CNTNAP2: variants seen among roughly 807,000 people sequenced by gnomAD.
CNTNAP2 encodes the protein contactin associated protein 2, also known as contactin-associated protein-like 2.
In CNTNAP2, 98 loss-of-function variants were observed where a neutral mutation model predicts 155.2. That is an observed-to-expected ratio of 0.63 (90% CI 0.54 to 0.75). The LOEUF (loss-of-function observed/expected upper bound fraction) is 0.75. Among genes scored for constraint, CNTNAP2 ranks in the 30% least tolerant of loss-of-function variants. The pLI is 0.00. For synonymous variants in CNTNAP2, 651 were observed against 631.2 expected (o/e 1.03, Z -0.47); for missense variants, 1,727 against 1,688.1 (o/e 1.02, Z -0.40).
intron 9 of CNTNAP2, among the ~76,000 whole-genome samples, chr7:147,318,738 G>A (rs548906309): frequency 7.2e-5 from 11 of 152,150 alleles, no homozygotes; most frequent in South Asian, 6.2e-4. Flanking sequence ...CCTAGATGGC[G>A]GGTTGATTGG....
intron 1 of CNTNAP2, among the ~76,000 whole-genome samples, chr7:146,675,606 T>G (rs141547177): frequency 6.6e-6 from 1 of 152,182 alleles, no homozygotes; most frequent in East Asian, 1.9e-4. Flanking sequence ...GTAGTACCTA[T>G]TTTGGTTGTC....
intron 9 of CNTNAP2, among the ~76,000 whole-genome samples, chr7:147,372,336 G>A (rs529570806): frequency 3.9e-5 from 6 of 152,164 alleles, no homozygotes; most frequent in South Asian, 2.1e-4. Context: ...GAATGTTCTC[G>A]AGAGACCACT....
At chr7:147,219,405 T>C (rs990619539) in intron 8 of CNTNAP2, among the ~76,000 whole-genome samples, 4 of 152,216 alleles carry the variant, frequency 2.6e-5, no homozygotes, top group Non-Finnish European at 5.9e-5. Flanking sequence ...CCCTGGTAAA[T>C]CACTGGTCTA....
chr7:148,084,985 A>T (rs1023252103), intron 15 of CNTNAP2, among the ~76,000 whole-genome samples: 1 of 152,252 alleles, frequency 6.6e-6, no homozygotes, highest in African/African-American at 2.4e-5. Flanking sequence ...ACAGTCATTT[A>T]GTCGGTCAAT....
At chr7:146,776,122 C>T (rs2129186241) in intron 2 of CNTNAP2, among the ~76,000 whole-genome samples, 1 of 151,898 alleles carries the variant, frequency 6.6e-6, no homozygotes, top group South Asian at 2.1e-4. Flanking sequence ...CTGGCCATAC[C>T]CAAATGGTAA....
Position 148,307,506 on chromosome 7 carries a change from GGTT to G in CNTNAP2, c.3475+40384_3475+40386del, listed in dbSNP as rs1389637944. Reference sequence around the variant, plus strand: ...TTCTGCTGTTTTTCAGCTCTAAAAAGGTTGTTATCATCCCCTGCCTCATGATTT... The same window carrying G: ...TTCTGCTGTTTTTCAGCTCTAAAAAGGTTATCATCCCCTGCCTCATGATTT... On this transcript the variant is annotated intron_variant, in intron 21 of 23. Transcript: ENST00000361727. 5.3e-5 allele frequency among the ~76,000 whole-genome samples: 8 copies of G among 151,986 alleles called. No individual in the cohort carries two copies. The East Asian group carries it at 1.5e-3, about 29-fold the overall frequency.
Position 146,612,486 on chromosome 7 carries a change from G to T in CNTNAP2, c.98-161785G>T, listed in dbSNP as rs576950472. The stretch of plus-strand genomic sequence containing the variant: ...CAATGGTTTAATATAAGAACAAAAA[G>T]GAGTATTTTTCAGGAAATCAAGCCA... On this transcript the variant is annotated intron_variant, in intron 1 of 23. Transcript: ENST00000361727. 3.3e-5 allele frequency among the ~76,000 whole-genome samples: 5 copies of T among 152,036 alleles called. No homozygotes were observed. The East Asian group carries it at 5.8e-4, about 18-fold the overall frequency.
At chr7:147,176,244 G>T (rs928347016) in intron 8 of CNTNAP2, among the ~76,000 whole-genome samples, 1 of 152,166 alleles carries the variant, frequency 6.6e-6, no homozygotes, top group Non-Finnish European at 1.5e-5. Context: ...TACCTCATCA[G>T]TTGGAAAATA....
At chr7:147,784,782 G>A (rs954574916) in intron 13 of CNTNAP2, among the ~76,000 whole-genome samples, 5 of 151,682 alleles carry the variant, frequency 3.3e-5, no homozygotes, top group Admixed American at 6.6e-5. Flanking sequence ...TTGGCAGACT[G>A]TGGTAGAAGA....
At chr7:148,264,377 AT>A (rs1295184427) in intron 20 of CNTNAP2, among the ~76,000 whole-genome samples, 2 of 152,098 alleles carry the variant, frequency 1.3e-5, no homozygotes, top group African/African-American at 4.8e-5. Context: ...AATCTATATC[AT>A]TTTTTCTATA....
chr7:147,101,958 C>A (rs1045063303), intron 4 of CNTNAP2, among the ~76,000 whole-genome samples: 1 of 151,984 alleles, frequency 6.6e-6, no homozygotes, highest in African/African-American at 2.4e-5. Context: ...GGCTTGAGGG[C>A]GGAGCCTTTG....
At chr7:147,102,239 A>G (rs1310666813) in intron 4 of CNTNAP2, among the ~76,000 whole-genome samples, 2 of 142,246 alleles carry the variant, frequency 1.4e-5, no homozygotes, top group African/African-American at 5.4e-5. Context: ...AAAGCTCTAT[A>G]TTTCACAGGT....
chr7:146,311,154 CCA>C (rs1033596418), intron 1 of CNTNAP2, among the ~76,000 whole-genome samples: 2 of 152,066 alleles, frequency 1.3e-5, no homozygotes, highest in African/African-American at 2.4e-5. Context: ...AGCAATGACA[CCA>C]CACAGTTTTT....
chr7:148,303,492 G>A (rs1296665326), intron 21 of CNTNAP2, among the ~76,000 whole-genome samples: 1 of 152,196 alleles, frequency 6.6e-6, no homozygotes, highest in Non-Finnish European at 1.5e-5. Context: ...TAGTACATAA[G>A]TCCCTCGGGG....
intron 1 of CNTNAP2, among the ~76,000 whole-genome samples, chr7:146,516,117 G>C (rs1797537447): frequency 6.6e-6 from 1 of 151,884 alleles, no homozygotes; most frequent in South Asian, 2.1e-4. Context: ...GAGAGAAAAA[G>C]TAATGAGACA....
At chr7:146,393,269 A>G (rs1795571028) in intron 1 of CNTNAP2, among the ~76,000 whole-genome samples, 1 of 152,198 alleles carries the variant, frequency 6.6e-6, no homozygotes, top group African/African-American at 2.4e-5. Context: ...ACCTGGAAAC[A>G]TAATGGCATA....
chr7:146,123,535 A>G (rs1563130539), intron 1 of CNTNAP2, among the ~76,000 whole-genome samples: 1 of 152,170 alleles, frequency 6.6e-6, no homozygotes, highest in Non-Finnish European at 1.5e-5. Flanking sequence ...AAGTTACATA[A>G]AGTTTAGTTA....
rs569468514 is a variant in CNTNAP2 at position 148,146,280 on chromosome 7, C to A, written c.2555-1211C>A. ...AAAGTTAGGCACTGGTGTGCCACAT[C>A]TTTAATGTTGAGAAGAATTCACCCA... On this transcript the variant is annotated intron_variant, in intron 16 of 23. Transcript: ENST00000361727. Among the ~76,000 whole-genome samples the A allele has an allele frequency of 2.0e-4, 30 of 152,336 alleles. 1 individual carries two copies. The South Asian group carries it at 6.0e-3, about 30-fold the overall frequency.
intron 9 of CNTNAP2, among the ~76,000 whole-genome samples, chr7:147,361,833 A>G (rs187318753): frequency 6.6e-6 from 1 of 152,292 alleles, no homozygotes; most frequent in Non-Finnish European, 1.5e-5. Flanking sequence ...TAACAATGAC[A>G]TATTGATGAG....
Sources: allele counts gnomAD v4.1 joint callset (sites outside exome capture counted in the v4.1 genomes callset), GRCh38; gene constraint gnomAD v4.1.1; transcripts MANE v1.5; gene names NCBI Gene and HGNC (gene_info 2026-07-23, HGNC 2026-07-21).